The following DAB1 variants were observed in gnomAD, a reference collection of about 807,000 sequenced individuals.
DAB1 encodes DAB adaptor protein 1.
In DAB1, 15 loss-of-function variants were observed where a neutral mutation model predicts 64.6. The observed-to-expected ratio is 0.23, with a 90% CI of 0.16 to 0.36. The LOEUF (loss-of-function observed/expected upper bound fraction) is 0.36. Among genes scored for constraint, DAB1 ranks in the 10% least tolerant of loss-of-function variants. DAB1 has a pLI of 1.00. For missense variants in DAB1, 596 were observed against 706.7 expected (o/e 0.84, Z 1.78); for synonymous variants, 235 against 251.9 (o/e 0.93, Z 0.64).
intron 3 of DAB1, among the ~76,000 whole-genome samples, chr1:58,416,815 C>A (rs1179869694): frequency 6.6e-6 from 1 of 152,016 alleles, no homozygotes; most frequent in Non-Finnish European, 1.5e-5. Context: ...ATTATGAAGA[C>A]CCTACCTTCA....
chr1:57,919,887 T>G (rs1644784024), intron 5 of DAB1, among the ~76,000 whole-genome samples: 1 of 152,196 alleles, frequency 6.6e-6, no homozygotes, highest in Non-Finnish European at 1.5e-5. Context: ...GTACTTGGAT[T>G]TATATTGAAA....
At chr1:57,426,927 G>A (rs997866660), upstream of DAB1, among the ~76,000 whole-genome samples, 3 of 150,006 alleles carry the variant, frequency 2.0e-5, no homozygotes, top group Admixed American at 1.3e-4. Flanking sequence ...GCAGTGGCGC[G>A]ATCTCGGCTC....
intron 1 of DAB1, among the ~76,000 whole-genome samples, chr1:57,858,612 G>C (rs185947400): frequency 4.4e-4 from 67 of 151,746 alleles, no homozygotes; most frequent in Non-Finnish European, 8.2e-4. Context: ...TGCTTGTTAG[G>C]GGGTGGCTGA....
intron 9 of DAB1, among the ~76,000 whole-genome samples, chr1:57,040,387 A>G (rs1288387120): frequency 1.3e-5 from 2 of 152,194 alleles, no homozygotes; most frequent in Non-Finnish European, 2.9e-5. Context: ...AGGAAGAAAC[A>G]TTGAAAACAC....
chr1:57,546,860 A>G lies in DAB1; in HGVS notation n.625+102732T>C, dbSNP rs536275092. 2.0e-5 allele frequency among the ~76,000 whole-genome samples: 3 copies of G among 152,328 alleles called. No homozygotes were observed. The South Asian group carries it at 6.2e-4, about 32-fold the overall frequency. ...AATGCATGACTGTATATATGTGTGT[A>G]TATATATGCACATGGGCAGAATACA... On this transcript the variant is annotated intron_variant and non_coding_transcript_variant, in intron 7 of 20. Transcript: ENST00000485760.
intron 7 of DAB1, among the ~76,000 whole-genome samples, chr1:57,452,967 A>G (rs1244023528): frequency 6.6e-6 from 1 of 151,936 alleles, no homozygotes; most frequent in Non-Finnish European, 1.5e-5. Flanking sequence ...ACAGAAAGGA[A>G]GAAAAGGCAG....
chr1:57,175,143 C>T (rs766958866), intron 2 of DAB1, among the ~76,000 whole-genome samples: 1 of 152,084 alleles, frequency 6.6e-6, no homozygotes. Context: ...TATGCTTATA[C>T]ACTTCATTAC....
chr1:58,451,681 A>G (rs1645138035), intron 3 of DAB1, among the ~76,000 whole-genome samples: 1 of 152,234 alleles, frequency 6.6e-6, no homozygotes, highest in Non-Finnish European at 1.5e-5. Flanking sequence ...TACTATACAA[A>G]TACTGATCAT....
intron 4 of DAB1, among the ~76,000 whole-genome samples, chr1:58,277,608 G>A (rs1336967339): frequency 6.6e-6 from 1 of 152,136 alleles, no homozygotes; most frequent in Non-Finnish European, 1.5e-5. Flanking sequence ...CCTAAGGGTG[G>A]TGCCATTGCT....
At chr1:57,781,168 A>ATATATATC (rs1650080530) in intron 6 of DAB1, among the ~76,000 whole-genome samples, 1 of 74,514 alleles carries the variant, frequency 1.3e-5, no homozygotes, top group Non-Finnish European at 2.6e-5. Context: ...ATATATATAT[A>ATATATATC]TATAGTTGCC....
At chr1:57,138,227 T>G (rs1463142389) in intron 3 of DAB1, among the ~76,000 whole-genome samples, 1 of 152,124 alleles carries the variant, frequency 6.6e-6, no homozygotes, top group Non-Finnish European at 1.5e-5. Context: ...ACATGCAGAA[T>G]GTATAGCACC....
intron 4 of DAB1, among the ~76,000 whole-genome samples, chr1:58,187,455 C>T (rs1657140892): frequency 1.3e-5 from 2 of 151,032 alleles, no homozygotes; most frequent in African/African-American, 2.4e-5. Context: ...AGCCTGGGAC[C>T]ACACAGTAAG....
chr1:57,882,052 G>A (rs1322351000), intron 1 of DAB1, among the ~76,000 whole-genome samples: 1 of 152,112 alleles, frequency 6.6e-6, no homozygotes, highest in African/African-American at 2.4e-5. Flanking sequence ...TTTGATAAAG[G>A]TAAAGAAAAC....
intron 1 of DAB1, among the ~76,000 whole-genome samples, chr1:57,393,969 T>C (rs1312017934): frequency 6.6e-6 from 1 of 152,212 alleles, no homozygotes; most frequent in African/African-American, 2.4e-5. Flanking sequence ...TACATGTGTA[T>C]CTATAATCTA....
At chr1:58,394,565 T>C (rs338928) in intron 3 of DAB1, among the ~76,000 whole-genome samples, 78,903 of 152,048 alleles carry the variant, frequency 0.52, 21,048 homozygotes, top group African/African-American at 0.65. Flanking sequence ...ACTGGATAAC[T>C]ATTGTAATGC....
intron 9 of DAB1, among the ~76,000 whole-genome samples, chr1:57,030,477 T>C (rs1646933181): frequency 6.6e-6 from 1 of 152,146 alleles, no homozygotes; most frequent in African/African-American, 2.4e-5. Flanking sequence ...GGAAACTGCT[T>C]AAAATGGCCA....
At chr1:57,598,299 T>C (rs1342935540) in intron 7 of DAB1, among the ~76,000 whole-genome samples, 1 of 152,244 alleles carries the variant, frequency 6.6e-6, no homozygotes, top group Non-Finnish European at 1.5e-5. Flanking sequence ...ACATTTTAAA[T>C]AAGCTCCCTG....
chr1:57,063,294 A>T (rs1039574697), intron 8 of DAB1, among the ~76,000 whole-genome samples: 1 of 152,150 alleles, frequency 6.6e-6, no homozygotes, highest in African/African-American at 2.4e-5. Flanking sequence ...GGGAGGTGCT[A>T]TACTGTTCCT....
intron 7 of DAB1, among the ~76,000 whole-genome samples, chr1:57,638,653 A>G (rs890551138): frequency 6.6e-6 from 1 of 152,212 alleles, no homozygotes; most frequent in Non-Finnish European, 1.5e-5. Context: ...GTTCCTGAGG[A>G]GTCCCCCTAA....
Sources: gnomAD v4.1 joint callset for allele counts (sites outside exome capture counted in the v4.1 genomes callset) on GRCh38, gnomAD v4.1.1 for gene constraint, MANE v1.5 for transcripts, NCBI Gene and HGNC (gene_info 2026-07-23, HGNC 2026-07-21) for gene names.